The following CYP27A1 variants were observed in gnomAD, a reference collection of about 807,000 sequenced individuals.
CYP27A1 encodes cytochrome P450 family 27 subfamily A member 1, also known as sterol 26-hydroxylase, mitochondrial.
CYP27A1 carries 46 observed loss-of-function variants against 58.2 expected under a neutral mutation model. The ratio of observed to expected loss-of-function variants is 0.79; its 90% confidence interval spans 0.62 to 1.01. The LOEUF is 1.01. Ranked by LOEUF, CYP27A1 falls within the 50% of genes least tolerant of loss-of-function variation. CYP27A1 has a pLI of 0.00. For synonymous variants in CYP27A1, 274 were observed against 285.1 expected (o/e 0.96, Z 0.39); for missense variants, 704 against 687.0 (o/e 1.02, Z -0.28).
In CYP27A1 at chr2:218,811,739, G is replaced by C. The variant is rs115628503; in HGVS notation, c.447-483G>C. On this transcript the variant is annotated intron_variant, in intron 2 of 8. Transcript: ENST00000258415. ...CCTCCTTTATTCCTCAGCCTCTGCAGCTCCCCCTTATTTGACATATGGAAG... is the reference window on the plus strand; with the variant it reads ...CCTCCTTTATTCCTCAGCCTCTGCACCTCCCCCTTATTTGACATATGGAAG... Among the ~76,000 whole-genome samples, 1,085 of 152,312 alleles carry C rather than the reference G, an allele frequency of 7.1e-3. 7 individuals carry two copies. Among genetic ancestry groups the C allele is most frequent in the Non-Finnish European group, 0.011 (778 of 68,028 alleles).
At chr2:218,784,981 G>T (rs1231956670) in intron 1 of CYP27A1, among the ~76,000 whole-genome samples, 1 of 152,148 alleles carries the variant, frequency 6.6e-6, no homozygotes, top group Non-Finnish European at 1.5e-5. Flanking sequence ...GTTTTGGGAT[G>T]ATTCAAGTGC....
chr2:218,814,334 AC>A (rs761941429), intron 6 of CYP27A1, 45 bp from the exon 7 acceptor site: 3 of 1,594,016 alleles, frequency 1.9e-6, no homozygotes, highest in Non-Finnish European at 2.6e-6. Flanking sequence ...GGCACTTTGT[AC>A]CCCCATGAAT....
chr2:218,799,707 C>CT (rs142910180), intron 1 of CYP27A1, among the ~76,000 whole-genome samples: 49 of 149,112 alleles, frequency 3.3e-4, no homozygotes, highest in Admixed American at 1.1e-3. Context: ...CCTATTGTTT[C>CT]TTTTTTTTTT....
intron 1 of CYP27A1, among the ~76,000 whole-genome samples, chr2:218,802,899 A>G (rs1943612984): frequency 6.6e-6 from 1 of 152,148 alleles, no homozygotes; most frequent in African/African-American, 2.4e-5. Context: ...CCATTTGCAT[A>G]TCTTCATTGG....
intron 1 of CYP27A1, among the ~76,000 whole-genome samples, chr2:218,800,369 G>A (rs1047057433): frequency 6.6e-6 from 1 of 152,072 alleles, no homozygotes; most frequent in Non-Finnish European, 1.5e-5. Flanking sequence ...AAGAAATAAA[G>A]ATAAGACACT....
At chr2:218,787,433 G>A (rs1373004273) in intron 1 of CYP27A1, among the ~76,000 whole-genome samples, 1 of 152,174 alleles carries the variant, frequency 6.6e-6, no homozygotes, top group Non-Finnish European at 1.5e-5. Flanking sequence ...TTCAGCATGG[G>A]CAGATTACTG....
At chr2:218,788,245 C>T (rs1349633309) in intron 1 of CYP27A1, among the ~76,000 whole-genome samples, 1 of 152,234 alleles carries the variant, frequency 6.6e-6, no homozygotes, top group Non-Finnish European at 1.5e-5. Flanking sequence ...TTATCTTTCT[C>T]TCTTCATATG....
At chr2:218,787,736 G>A (rs1394722310) in intron 1 of CYP27A1, among the ~76,000 whole-genome samples, 2 of 152,074 alleles carry the variant, frequency 1.3e-5, no homozygotes, top group Non-Finnish European at 2.9e-5. Flanking sequence ...TTGCAAGAAG[G>A]TCCTAACCAG....
At chr2:218,809,491 C>CATCA (rs1261199657) in intron 1 of CYP27A1, 86 bp from the exon 2 acceptor site, 2 of 790,430 alleles carry the variant, frequency 2.5e-6, no homozygotes. Context: ...CTTGTGTAGC[C>CATCA]ATCAGACCCT....
intron 1 of CYP27A1, among the ~76,000 whole-genome samples, chr2:218,801,933 A>G (rs1489688264): frequency 6.7e-6 from 1 of 149,340 alleles, no homozygotes; most frequent in Non-Finnish European, 1.5e-5. Flanking sequence ...CCTGCATTTG[A>G]CTTGCCAGGC....
intron 1 of CYP27A1, among the ~76,000 whole-genome samples, chr2:218,791,964 A>C (rs1943497117): frequency 1.3e-5 from 2 of 152,194 alleles, no homozygotes; most frequent in South Asian, 4.1e-4. Flanking sequence ...ATGTCCCATC[A>C]GCTAGCGAAA....
chr2:218,814,328 C>T lies in CYP27A1; in HGVS notation c.1185-52C>T, dbSNP rs949118725. On this transcript the variant is annotated intron_variant, in intron 6 of 8. Transcript: ENST00000258415. Reference sequence around the variant, plus strand: ...GAGGTAGGGGAGAAGGAGTGGGGCACTTTGTACCCCCATGAATCCAGAGCA... The same window carrying T: ...GAGGTAGGGGAGAAGGAGTGGGGCATTTTGTACCCCCATGAATCCAGAGCA... The T allele has an allele frequency of 2.5e-6, 4 of 1,603,498 alleles. No homozygotes were observed. In the African/African-American group the frequency reaches 5.4e-5, roughly 21 times the overall value.
intron 1 of CYP27A1, among the ~76,000 whole-genome samples, chr2:218,796,954 A>G (rs563512037): frequency 1.3e-5 from 2 of 152,358 alleles, no homozygotes; most frequent in Non-Finnish European, 2.9e-5. Context: ...ATAGCTTACT[A>G]TAAACCGTCT....
intron 1 of CYP27A1, among the ~76,000 whole-genome samples, chr2:218,793,806 C>T (rs928895707): frequency 6.6e-6 from 1 of 151,934 alleles, no homozygotes; most frequent in Non-Finnish European, 1.5e-5. Context: ...CCTCCGCCCC[C>T]AGGTTCAAGC....
At chr2:218,808,298 G>A (rs919541413) in intron 1 of CYP27A1, among the ~76,000 whole-genome samples, 5 of 152,226 alleles carry the variant, frequency 3.3e-5, no homozygotes, top group African/African-American at 1.2e-4. Context: ...ACTGGCAGGT[G>A]TTCCTGGGAG....
intron 1 of CYP27A1, among the ~76,000 whole-genome samples, chr2:218,793,775 CA>C (rs762899531): frequency 1.3e-5 from 2 of 150,250 alleles, no homozygotes; most frequent in East Asian, 3.9e-4. Flanking sequence ...AGTGCAGTTG[CA>C]CCATCTCGGC....
chr2:218,801,690 A>G (rs1943601373), intron 1 of CYP27A1, among the ~76,000 whole-genome samples: 1 of 151,886 alleles, frequency 6.6e-6, no homozygotes, highest in African/African-American at 2.4e-5. Flanking sequence ...GATTGGACCT[A>G]TTTTCTGCAT....
chr2:218,783,273 A>G (rs950393042), intron 1 of CYP27A1, among the ~76,000 whole-genome samples: 287 of 149,518 alleles, frequency 1.9e-3, no homozygotes, highest in Non-Finnish European at 3.1e-3. Flanking sequence ...AAAAAAAAAA[A>G]AAAGAAAAAA....
intron 1 of CYP27A1, among the ~76,000 whole-genome samples, chr2:218,807,152 C>T (rs933506044): frequency 8.6e-5 from 13 of 151,496 alleles, no homozygotes; most frequent in East Asian, 5.8e-4. Context: ...GTAGAGACGG[C>T]GTTTCACCAT....
Sources: gnomAD v4.1 joint callset for allele counts (sites outside exome capture counted in the v4.1 genomes callset) on GRCh38, gnomAD v4.1.1 for gene constraint, MANE v1.5 for transcripts, NCBI Gene and HGNC (gene_info 2026-07-23, HGNC 2026-07-21) for gene names.